HIVEP1: variants seen among roughly 807,000 people sequenced by gnomAD.
HIVEP1 encodes the protein HIVEP zinc finger 1, also known as zinc finger protein 40.
HIVEP1 carries 36 observed loss-of-function variants against 180.0 expected under a neutral mutation model. The observed-to-expected ratio is 0.20, with a 90% CI of 0.15 to 0.26. The LOEUF (loss-of-function observed/expected upper bound fraction) is 0.26. HIVEP1 is among the 10% of genes least tolerant of loss of function. The pLI is 1.00. For synonymous variants in HIVEP1, 1,239 were observed against 1,239.0 expected (o/e 1.00, Z 0.00); for missense variants, 3,143 against 3,268.7 (o/e 0.96, Z 0.94).
intron 3 of HIVEP1, among the ~76,000 whole-genome samples, chr6:12,097,331 G>A (rs1346743065): frequency 1.2e-5 from 1 of 83,862 alleles, no homozygotes; most frequent in Admixed American, 1.2e-4. Context: ...TTTTTTTTTT[G>A]CCCTGAGAAA....
the HIVEP1 span, among the ~76,000 whole-genome samples, chr6:12,171,375 A>G: frequency 6.6e-6 from 1 of 152,094 alleles, no homozygotes; most frequent in Non-Finnish European, 1.5e-5. Context: ...TTCATAATAC[A>G]TTATGTAAAA....
At chr6:12,118,218 G>C (rs1247113223) in intron 3 of HIVEP1, among the ~76,000 whole-genome samples, 1 of 150,832 alleles carries the variant, frequency 6.6e-6, no homozygotes, top group Admixed American at 6.6e-5. Flanking sequence ...TATGATATGA[G>C]AGCATATAAA....
At chr6:12,155,116 T>C (rs1759952935) in intron 7 of HIVEP1, among the ~76,000 whole-genome samples, 1 of 152,230 alleles carries the variant, frequency 6.6e-6, no homozygotes, top group African/African-American at 2.4e-5. Context: ...TTGAATACGA[T>C]AAATTTCCCA....
the HIVEP1 span, among the ~76,000 whole-genome samples, chr6:12,205,454 G>A: frequency 6.6e-6 from 1 of 151,234 alleles, no homozygotes; most frequent in African/African-American, 2.4e-5. Flanking sequence ...CTGGGTGACA[G>A]AGCAAGACTC....
At chr6:12,111,719 G>A (rs1436009524) in intron 3 of HIVEP1, among the ~76,000 whole-genome samples, 2 of 152,200 alleles carry the variant, frequency 1.3e-5, no homozygotes, top group East Asian at 1.9e-4. Flanking sequence ...TCTGACTTCA[G>A]CCCTAAGAGA....
rs1328433120 is a variant in HIVEP1, at chr6:12,121,063, A to G, written c.1268A>G (p.Lys423Arg). 6.2e-7 allele frequency: 1 copy of G among 1,614,106 alleles called. No individual in the cohort carries two copies. Among genetic ancestry groups the G allele is most frequent in the Non-Finnish European group, 8.5e-7 (1 of 1,180,038 alleles). The change falls in exon 4 of 9, where the codon AAG (lysine) becomes AGG (arginine). Residue 423 changes from lysine (K) to arginine (R), a missense_variant. This residue lies in a region of HIVEP1 where 28 missense variants were observed against 73.6 expected (regional missense o/e 0.38). Transcript: ENST00000379388. This position sits in a 1 kb window ranked among gnomAD's most constrained non-coding sequence, Gnocchi z 5.3. ...RACAKPSVLL[K>R]HIRSHTGERP... ...TGTGCAAAGCCTAGTGTGCTTTTAA[A>G]GCATATCCGCTCCCACACTGGAGAG... is the stretch of plus-strand genomic sequence containing the variant.
chr6:12,158,707 A>T (rs1399006293), intron 7 of HIVEP1, among the ~76,000 whole-genome samples: 1 of 151,866 alleles, frequency 6.6e-6, no homozygotes. Flanking sequence ...CCCCAAGGAG[A>T]CAGGTTGTAT....
At position 12,097,000 on chromosome 6, in the gene HIVEP1, CAT is replaced by C. The variant is rs1464500956; in HGVS notation, c.94+7764_94+7765del. Among the ~76,000 whole-genome samples the C allele has an allele frequency of 9.2e-5, 14 of 152,020 alleles. 2 individuals carry two copies. The highest frequency in any genetic ancestry group is 3.4e-4 in the African/African-American group (14 of 41,506). On this transcript the variant is annotated intron_variant, in intron 3 of 8. Coordinates refer to ENST00000379388, the MANE Select transcript of HIVEP1 (RefSeq NM_002114.4). ...ATTGACAATTTACAAAATGAAAGCTCATGTGGATATGGCTAGAGGAAAGGCTA... is the reference window on the plus strand; with the variant it reads ...ATTGACAATTTACAAAATGAAAGCTCGTGGATATGGCTAGAGGAAAGGCTA...
chr6:12,120,301 C>T lies in HIVEP1; in HGVS notation c.506C>T (p.Ser169Leu). ...GAACAATGTGACTCAAGTTCCTTGT[C>T]AAGTAAAACCAGGACTGACAATAGC... ...LDEQCDSSSLSSKTRTDNSEC... is the reference protein window; with the variant it reads ...LDEQCDSSSLLSKTRTDNSEC... Residue 169 changes from serine to leucine, a missense_variant, in exon 4 of 9, where the codon TCA becomes TTA. Coordinates refer to ENST00000379388, the MANE Select transcript of HIVEP1 (RefSeq NM_002114.4). 1 of 1,614,116 alleles carries T rather than the reference C, an allele frequency of 6.2e-7. No individual in the cohort carries two copies. Among genetic ancestry groups the T allele is most frequent in the East Asian group, 2.2e-5 (1 of 44,878 alleles).
chr6:12,044,653 G>T (rs1448877408), intron 2 of HIVEP1, among the ~76,000 whole-genome samples: 2 of 150,388 alleles, frequency 1.3e-5, no homozygotes, highest in African/African-American at 4.9e-5. Context: ...CTGAGGGCTT[G>T]CTGTCCTCCA....
intron 2 of HIVEP1, among the ~76,000 whole-genome samples, chr6:12,028,986 C>T (rs1048863188): frequency 6.6e-6 from 1 of 152,022 alleles, no homozygotes; most frequent in Non-Finnish European, 1.5e-5. Flanking sequence ...AGCTTTTTTT[C>T]ATTGTTTGAG....
At chr6:12,130,738 T>A (rs2113565574) in intron 5 of HIVEP1, 29 bp from the exon 6 acceptor site, 3 of 1,329,362 alleles carry the variant, frequency 2.3e-6, no homozygotes, top group Non-Finnish European at 3.1e-6. Context: ...GTGTCCAATC[T>A]CCCTATTCAT....
the HIVEP1 span, among the ~76,000 whole-genome samples, chr6:12,211,822 G>T: frequency 6.6e-6 from 1 of 152,262 alleles, no homozygotes; most frequent in South Asian, 2.1e-4. Context: ...AACTTCCGTG[G>T]TTGAGACTGA....
At chr6:12,041,347 G>C (rs1053695903) in intron 2 of HIVEP1, among the ~76,000 whole-genome samples, 1 of 150,740 alleles carries the variant, frequency 6.6e-6, no homozygotes, top group South Asian at 2.1e-4. Flanking sequence ...GCGTGAACCC[G>C]GGAGGCGGAG....
chr6:12,017,844 G>C (rs1046095686), intron 2 of HIVEP1, among the ~76,000 whole-genome samples: 1 of 152,234 alleles, frequency 6.6e-6, no homozygotes, highest in African/African-American at 2.4e-5. Context: ...GTCCCCACTA[G>C]ACTCAGGAGC....
chr6:12,090,942 T>G (rs1265867991), intron 3 of HIVEP1, among the ~76,000 whole-genome samples: 1 of 152,018 alleles, frequency 6.6e-6, no homozygotes, highest in Non-Finnish European at 1.5e-5. Flanking sequence ...AATAATGGAT[T>G]GGGCTACAGT....
At chr6:12,036,597 A>C (rs1466493460) in intron 2 of HIVEP1, among the ~76,000 whole-genome samples, 3 of 152,172 alleles carry the variant, frequency 2.0e-5, no homozygotes, top group Non-Finnish European at 4.4e-5. Flanking sequence ...GCAGCTAACA[A>C]CACAGTATGA....
rs372406343 is a variant in HIVEP1 at position 12,122,015 on chromosome 6, C to T, written c.2220C>T (p.Ala740=). ...CAGGTCAGATGCGCCCACCTTTGGCCACAAAAACACTTGAGGAGCGGATAT... is the reference window on the plus strand; with the variant it reads ...CAGGTCAGATGCGCCCACCTTTGGCTACAAAAACACTTGAGGAGCGGATAT... ...LLPGQMRPPL[A]TKTLEERISK... Residue 740 remains alanine, a synonymous_variant, in exon 4 of 9, where the codon GCC becomes GCT. Coordinates refer to ENST00000379388, the MANE Select transcript of HIVEP1 (RefSeq NM_002114.4). 7 of 1,614,000 alleles carry T rather than the reference C, an allele frequency of 4.3e-6. No homozygotes were observed. Among genetic ancestry groups the T allele is most frequent in the African/African-American group, 1.3e-5 (1 of 74,896 alleles).
At chr6:12,034,295 C>T (rs1166013807) in intron 2 of HIVEP1, among the ~76,000 whole-genome samples, 2 of 152,178 alleles carry the variant, frequency 1.3e-5, no homozygotes, top group Non-Finnish European at 2.9e-5. Context: ...AAAATGATTA[C>T]TGTTTCTTAG....
Sources: allele counts gnomAD v4.1 joint callset (sites outside exome capture counted in the v4.1 genomes callset), GRCh38; gene constraint gnomAD v4.1.1; regional missense constraint gnomAD v4.1.1; non-coding constraint Gnocchi (gnomAD v3.1); transcripts MANE v1.5; gene names NCBI Gene and HGNC (gene_info 2026-07-23, HGNC 2026-07-21).